The following EMILIN2 variants were observed in gnomAD, a reference collection of about 807,000 sequenced individuals.
EMILIN2 encodes the protein EMILIN-2.
In EMILIN2, 71 loss-of-function variants were observed where a neutral mutation model predicts 87.1. That is an observed-to-expected ratio of 0.82 (90% CI 0.67 to 0.99). The LOEUF is 0.99. Among genes scored for constraint, EMILIN2 ranks in the 50% least tolerant of loss-of-function variants. EMILIN2 has a pLI of 0.00. For missense variants in EMILIN2, 1,407 were observed against 1,371.8 expected (o/e 1.03, Z -0.40); for synonymous variants, 581 against 563.4 (o/e 1.03, Z -0.44).
intron 2 of EMILIN2, among the ~76,000 whole-genome samples, chr18:2,879,242 C>T (rs946771002): frequency 3.3e-5 from 5 of 152,136 alleles, no homozygotes; most frequent in Admixed American, 6.5e-5. Context: ...GAATATTCTG[C>T]GATGATGGAG....
At position 2,858,583 on chromosome 18, in the gene EMILIN2, G is replaced by GTGTATATA. The variant is rs1180735843; in HGVS notation, c.257+10653_257+10654insGTATATAT. 1.5e-3 allele frequency among the ~76,000 whole-genome samples: 95 copies of GTGTATATA among 63,020 alleles called. 8 individuals are homozygous for GTGTATATA. The highest frequency in any genetic ancestry group is 6.3e-3 in the African/African-American group (67 of 10,684). 41.3% of individuals were successfully genotyped at this position (63,020 alleles called of 152,430 possible). ...TATATATATATATGTGTGTGTGTGT[G>GTGTATATA]TATATATATATATATATATGTGTAT... is the stretch of plus-strand genomic sequence containing the variant. On this transcript the variant is annotated intron_variant, in intron 2 of 7. Transcript: ENST00000254528.
At position 2,892,105 on chromosome 18, in the gene EMILIN2, C is replaced by G; in HGVS notation, c.1978C>G (p.Gln660Glu). Residue 660 changes from glutamine to glutamate, a missense_variant, in exon 4 of 8, where the codon CAG becomes GAG. Physicochemically the swap from Gln to Glu is conservative, Grantham distance 29. Transcript: ENST00000254528. Reference sequence around the variant, plus strand: ...GACAGTGGACACCCTGCCGTCCCCCCAGCACCCCGTGGCTCATTGCTGCAG... The same window carrying G: ...GACAGTGGACACCCTGCCGTCCCCCGAGCACCCCGTGGCTCATTGCTGCAG... ...ERTVDTLPSP[Q>E]HPVAHCCSQL... is the part of the protein sequence containing the mutation. 6.2e-7 allele frequency: 1 copy of G among 1,613,338 alleles called. No individual in the cohort carries two copies. The highest frequency in any genetic ancestry group is 8.5e-7 in the Non-Finnish European group (1 of 1,179,420).
chr18:2,910,656 G>A (rs2076936368), intron 7 of EMILIN2, among the ~76,000 whole-genome samples: 1 of 152,138 alleles, frequency 6.6e-6, no homozygotes, highest in Admixed American at 6.5e-5. Flanking sequence ...GTGGGGCAGT[G>A]GATTTCAGGG....
chr18:2,874,272 C>T (rs1568463809), intron 2 of EMILIN2, among the ~76,000 whole-genome samples: 2 of 152,040 alleles, frequency 1.3e-5, no homozygotes, highest in African/African-American at 2.4e-5. Flanking sequence ...CCAGGCTGGT[C>T]TCAAACTCCT....
At chr18:2,902,348 A>G (rs189416739) in intron 4 of EMILIN2, among the ~76,000 whole-genome samples, 81 of 152,268 alleles carry the variant, frequency 5.3e-4, no homozygotes, top group African/African-American at 1.6e-3. Context: ...ATGCTCAAGT[A>G]CTCATCAGTC....
At chr18:2,898,491 C>T (rs374896326) in intron 4 of EMILIN2, among the ~76,000 whole-genome samples, 8 of 152,120 alleles carry the variant, frequency 5.3e-5, no homozygotes, top group African/African-American at 7.2e-5. Context: ...GGCAGAGGGA[C>T]GTAGCTGTGT....
chr18:2,854,383 G>C (rs8083324), intron 2 of EMILIN2, among the ~76,000 whole-genome samples: 2 of 151,908 alleles, frequency 1.3e-5, no homozygotes, highest in African/African-American at 2.4e-5. Context: ...TGGAGTTCAG[G>C]ACACCTCTAA....
intron 2 of EMILIN2, among the ~76,000 whole-genome samples, chr18:2,854,294 A>G (rs1197209550): frequency 6.6e-6 from 1 of 151,868 alleles, no homozygotes; most frequent in Non-Finnish European, 1.5e-5. Context: ...CGGGGGAGGG[A>G]TCTGGGTGGG....
At chr18:2,889,587 T>TA (rs2076822881) in intron 3 of EMILIN2, among the ~76,000 whole-genome samples, 1 of 152,026 alleles carries the variant, frequency 6.6e-6, no homozygotes, top group Non-Finnish European at 1.5e-5. Flanking sequence ...CCCCCCTTAT[T>TA]AAAAATTAAT....
intron 3 of EMILIN2, among the ~76,000 whole-genome samples, chr18:2,889,139 T>C (rs1321776170): frequency 2.6e-4 from 34 of 132,602 alleles, no homozygotes; most frequent in South Asian, 4.8e-4. Flanking sequence ...TTTTCTTTTT[T>C]TTTTTTTTTT....
chr18:2,864,106 A>G (rs962756375), intron 2 of EMILIN2, among the ~76,000 whole-genome samples: 9 of 152,166 alleles, frequency 5.9e-5, no homozygotes, highest in Admixed American at 1.3e-4. Flanking sequence ...TTTTGAGTCT[A>G]TGTGTGTCTC....
chr18:2,867,887 T>C (rs1026115557), intron 2 of EMILIN2, among the ~76,000 whole-genome samples: 14 of 151,176 alleles, frequency 9.3e-5, no homozygotes, highest in Non-Finnish European at 1.6e-4. Context: ...GAGTGGGTGG[T>C]GGCCGGGCAG....
At chr18:2,882,813 G>A (rs963870208) in intron 2 of EMILIN2, among the ~76,000 whole-genome samples, 2 of 151,784 alleles carry the variant, frequency 1.3e-5, no homozygotes, top group African/African-American at 4.8e-5. Context: ...AACCCGGGAG[G>A]CAGAGGTTGC....
In EMILIN2 at chr18:2,848,593, TAAA is replaced by T. The variant is rs35023532; in HGVS notation, c.257+675_257+677del. 6.6e-4 allele frequency among the ~76,000 whole-genome samples: 93 copies of T among 140,500 alleles called. No individual in the cohort carries two copies. The highest frequency in any genetic ancestry group is 1.6e-3 in the Admixed American group (23 of 14,000). The allele number at this position is 140,500 out of a possible 152,430, so 92.2% of individuals were successfully genotyped here. A position where few individuals can be genotyped will look rare whatever the true frequency, so the allele number is the denominator to read the frequency against. ...TTTGCTTATAAAGATTTCCCCATCT[TAAA>T]AAAAAAAAAAAACAGGAAGCAATGC... On this transcript the variant is annotated intron_variant, in intron 2 of 7. Transcript: ENST00000254528. The surrounding 1 kb of genome is among the most constrained non-coding windows in gnomAD (Gnocchi z 4.1).
rs2144069889 is a variant in EMILIN2, at chr18:2,906,920, G to A, written c.2497G>A (p.Glu833Lys). 7.2e-7 allele frequency: 1 copy of A among 1,396,976 alleles called. No homozygotes were observed. The highest frequency in any genetic ancestry group is 1.5e-5 in the South Asian group (1 of 65,522). 86.5% of individuals were successfully genotyped at this position (1,396,976 alleles called of 1,614,324 possible). Residue 833 changes from glutamate to lysine, a missense_variant, in exon 5 of 8, where the codon GAG becomes AAG. By Grantham distance (56) the Glu-to-Lys change is moderately conservative. Coordinates refer to ENST00000254528, the MANE Select transcript of EMILIN2 (RefSeq NM_032048.3). Reference sequence around the variant, plus strand: ...CGTCCTGCCCCAGCGGCCCCCCGAGGAGAGGCCGCCCCAGCCGCCAGGCTC... The same window carrying A: ...CGTCCTGCCCCAGCGGCCCCCCGAGAAGAGGCCGCCCCAGCCGCCAGGCTC... Reference protein sequence around the residue: ...RPVLPQRPPEERPPQPPGSTG... With the variant: ...RPVLPQRPPEKRPPQPPGSTG...
rs1305928496 is a variant in EMILIN2 at position 2,906,822 on chromosome 18, A to T, written c.2399A>T (p.Glu800Val). The change falls in exon 5 of 8, where the codon GAG (glutamate) becomes GTG (valine). Residue 800 changes from glutamate (E) to valine (V), a missense_variant. By Grantham distance (121) the Glu-to-Val change is moderately radical. Transcript: ENST00000254528. ...SPPPPAEAPK[E>V]PLQPEPAPPR... ...CCGCCGCCCGCAGAGGCCCCGAAGG[A>T]GCCGCTGCAGCCCGAGCCCGCCCCG... 4 of 1,320,806 alleles carry T rather than the reference A, an allele frequency of 3.0e-6. No individual in the cohort carries two copies. In the African/African-American group the frequency reaches 4.6e-5, roughly 15 times the overall value. The allele number at this position is 1,320,806 out of a possible 1,614,324, so 81.8% of individuals were successfully genotyped here.
intron 2 of EMILIN2, among the ~76,000 whole-genome samples, chr18:2,873,713 A>C (rs1236387986): frequency 6.6e-6 from 1 of 151,496 alleles, no homozygotes; most frequent in Non-Finnish European, 1.5e-5. Context: ...TCTCAAAATA[A>C]ATAAATAAAT....
Position 2,890,855 on chromosome 18 carries a change from C to A in EMILIN2, c.728C>A (p.Thr243Lys), listed in dbSNP as rs36046935. 2.4e-3 allele frequency: 3,860 copies of A among 1,613,872 alleles called. 91 individuals carry two copies. In the African/African-American group the frequency reaches 0.047, roughly 20 times the overall value. ...PKPDTTVSGDTETGQSPGVFN... is the reference protein window; with the variant it reads ...PKPDTTVSGDKETGQSPGVFN... ...CCTGACACCACTGTTAGTGGAGACA[C>A]AGAAACGGGCCAGAGTCCTGGTGTC... The change falls in exon 4 of 8, where the codon ACA (threonine) becomes AAA (lysine). Residue 243 changes from threonine to lysine, a missense_variant. By Grantham distance (78) the Thr-to-Lys change is moderately conservative. Coordinates refer to ENST00000254528, the MANE Select transcript of EMILIN2 (RefSeq NM_032048.3). This position sits in a 1 kb window ranked among gnomAD's most constrained non-coding sequence, Gnocchi z 4.7.
intron 4 of EMILIN2, among the ~76,000 whole-genome samples, chr18:2,896,292 C>T (rs979652948): frequency 7.2e-5 from 11 of 152,090 alleles, no homozygotes; most frequent in African/African-American, 2.7e-4. Flanking sequence ...TCTCCTGCCT[C>T]AGCCTCCCAA....
Sources: allele counts gnomAD v4.1 joint callset (sites outside exome capture counted in the v4.1 genomes callset), GRCh38; gene constraint gnomAD v4.1.1; non-coding constraint Gnocchi (gnomAD v3.1); transcripts MANE v1.5; gene names NCBI Gene and HGNC (gene_info 2026-07-23, HGNC 2026-07-21).